The following CHRNA7 variants were observed in gnomAD, a reference collection of about 807,000 sequenced individuals.
CHRNA7 encodes neuronal acetylcholine receptor subunit alpha-7.
In CHRNA7, 17 loss-of-function variants were observed where a neutral mutation model predicts 48.0. The observed-to-expected ratio is 0.35, with a 90% CI of 0.24 to 0.53. The LOEUF (loss-of-function observed/expected upper bound fraction) is 0.53, where lower values mean the gene tolerates loss of function less well. Among genes scored for constraint, CHRNA7 ranks in the 20% least tolerant of loss-of-function variants. The pLI is 0.92. For missense variants in CHRNA7, 155 were observed against 577.7 expected (o/e 0.27, Z 7.50); for synonymous variants, 75 against 242.3 (o/e 0.31, Z 6.41).
intron 2 of CHRNA7, 121 bp from the exon 3 acceptor site, chr15:32,101,182 G>T: frequency 1.0e-6 from 1 of 963,358 alleles, no homozygotes; most frequent in Non-Finnish European, 1.6e-6. Flanking sequence ...AGTGCTTGGT[G>T]CATTCTAATT....
chr15:32,051,803 A>G (rs1005778022), intron 2 of CHRNA7, among the ~76,000 whole-genome samples: 2 of 152,072 alleles, frequency 1.3e-5, no homozygotes, highest in Non-Finnish European at 2.9e-5. Flanking sequence ...CTCCTCCCCA[A>G]GTAGCTGGTA....
chr15:32,041,482 G>A (rs897128626), intron 2 of CHRNA7, among the ~76,000 whole-genome samples: 7 of 152,202 alleles, frequency 4.6e-5, no homozygotes, highest in South Asian at 2.1e-4. Context: ...TGATCTGACC[G>A]GAGGCGGAGC....
chr15:32,053,153 T>A (rs2049722342), intron 2 of CHRNA7, among the ~76,000 whole-genome samples: 1 of 152,168 alleles, frequency 6.6e-6, no homozygotes, highest in South Asian at 2.1e-4. Flanking sequence ...ATTCTTTTAA[T>A]CTGTATAGAC....
intron 2 of CHRNA7, among the ~76,000 whole-genome samples, chr15:32,040,010 T>C (rs1288390646): frequency 6.6e-6 from 1 of 152,178 alleles, no homozygotes; most frequent in Admixed American, 6.5e-5. Flanking sequence ...TCCTTTTTTA[T>C]CCCTGGAAAC....
intron 2 of CHRNA7, among the ~76,000 whole-genome samples, chr15:32,059,350 A>G (rs574598663): frequency 1.3e-5 from 2 of 152,346 alleles, no homozygotes; most frequent in African/African-American, 4.8e-5. Context: ...GATAATTGAA[A>G]TAGGTGACCA....
intron 2 of CHRNA7, among the ~76,000 whole-genome samples, chr15:32,048,702 C>T (rs897466125): frequency 6.6e-6 from 1 of 151,658 alleles, no homozygotes; most frequent in African/African-American, 2.4e-5. Flanking sequence ...TATTTCTTGC[C>T]TTCTGCTAGC....
At chr15:32,078,588 C>T (rs1446268213) in intron 2 of CHRNA7, among the ~76,000 whole-genome samples, 4 of 150,192 alleles carry the variant, frequency 2.7e-5, no homozygotes, top group Non-Finnish European at 5.9e-5. Context: ...CAAGACTGAA[C>T]CTGGATACAG....
intron 2 of CHRNA7, among the ~76,000 whole-genome samples, chr15:32,096,868 A>C (rs1476617544): frequency 6.6e-6 from 1 of 152,216 alleles, no homozygotes; most frequent in Non-Finnish European, 1.5e-5. Context: ...ATGGAAAAAG[A>C]ATGAAGGGAG....
intron 2 of CHRNA7, among the ~76,000 whole-genome samples, chr15:32,097,033 G>A (rs770307557): frequency 3.3e-5 from 5 of 152,132 alleles, no homozygotes; most frequent in South Asian, 2.1e-4. Flanking sequence ...CGTGGTGACA[G>A]CCATTGGCAC....
At chr15:32,069,222 G>T (rs147242634) in intron 2 of CHRNA7, among the ~76,000 whole-genome samples, 13 of 152,268 alleles carry the variant, frequency 8.5e-5, no homozygotes, top group African/African-American at 3.1e-4. Context: ...TATTTCCTAA[G>T]GGTCAAGTAT....
At chr15:32,057,330 A>T (rs1353886563) in intron 2 of CHRNA7, among the ~76,000 whole-genome samples, 1 of 152,182 alleles carries the variant, frequency 6.6e-6, no homozygotes, top group Non-Finnish European at 1.5e-5. Flanking sequence ...AATGATTGAG[A>T]TAGAGATGGG....
At chr15:32,154,848 C>G in intron 5 of CHRNA7, among the ~76,000 whole-genome samples, 1 of 102,846 alleles carries the variant, frequency 9.7e-6, no homozygotes, top group Non-Finnish European at 1.9e-5. Context: ...TACCACACAC[C>G]ACTCACCCCT....
chr15:32,074,267 C>T (rs1253132281), intron 2 of CHRNA7, among the ~76,000 whole-genome samples: 1 of 149,940 alleles, frequency 6.7e-6, no homozygotes, highest in African/African-American at 2.4e-5. Context: ...TGCAAACAGC[C>T]AGTGTTATTT....
intron 3 of CHRNA7, chr15:32,102,108 T>G (rs2050583061): frequency 6.6e-6 from 1 of 152,052 alleles, no homozygotes; most frequent in Admixed American, 6.5e-5. Context: ...TAATTTTATG[T>G]TTGAAAGTCT....
intron 2 of CHRNA7, among the ~76,000 whole-genome samples, chr15:32,088,669 A>G (rs1182747939): frequency 6.6e-6 from 1 of 152,198 alleles, no homozygotes; most frequent in African/African-American, 2.4e-5. Flanking sequence ...TTACATGTCC[A>G]TGATAACATG....
At chr15:32,047,880 A>G (rs1266221815) in intron 2 of CHRNA7, among the ~76,000 whole-genome samples, 1 of 152,124 alleles carries the variant, frequency 6.6e-6, no homozygotes, top group Non-Finnish European at 1.5e-5. Context: ...TTTAGCATGA[A>G]GGGTTGTTGA....
intron 2 of CHRNA7, among the ~76,000 whole-genome samples, chr15:32,046,644 C>G (rs1364508866): frequency 2.0e-5 from 3 of 152,050 alleles, no homozygotes; most frequent in Non-Finnish European, 2.9e-5. Flanking sequence ...ATGGTAGTTT[C>G]TTTTGCTGTG....
chr15:32,125,293 A>C (rs1306666333), intron 4 of CHRNA7, among the ~76,000 whole-genome samples: 1 of 152,234 alleles, frequency 6.6e-6, no homozygotes, highest in African/African-American at 2.4e-5. Flanking sequence ...ATACCAAAGA[A>C]TCAACCTGGT....
intron 2 of CHRNA7, among the ~76,000 whole-genome samples, chr15:32,081,359 A>G (rs1187959526): frequency 2.0e-5 from 3 of 152,132 alleles, no homozygotes; most frequent in Non-Finnish European, 4.4e-5. Context: ...TAATGTAATT[A>G]TTGGTATGTT....
Sources: allele counts gnomAD v4.1 joint callset (sites outside exome capture counted in the v4.1 genomes callset), GRCh38; gene constraint gnomAD v4.1.1; transcripts MANE v1.5; gene names NCBI Gene and HGNC (gene_info 2026-07-23, HGNC 2026-07-21).